Variants in ALDH1A1 observed in about 807,000 individuals in gnomAD.
The protein encoded by ALDH1A1 is aldehyde dehydrogenase 1A1.
In ALDH1A1, 19 loss-of-function variants were observed where a neutral mutation model predicts 62.1. The observed-to-expected ratio is 0.31, with a 90% confidence interval of 0.21 to 0.45. The LOEUF (loss-of-function observed/expected upper bound fraction) is 0.45, where lower values mean the gene tolerates loss of function less well. Ranked by LOEUF, ALDH1A1 falls within the 20% of genes least tolerant of loss-of-function variation. ALDH1A1 has a pLI of 1.00. For synonymous variants in ALDH1A1, 231 were observed against 215.9 expected, an observed-to-expected ratio of 1.07 and a Z score of -0.61; for missense variants, 521 against 607.1, an observed-to-expected ratio of 0.86 and a Z score of 1.49.
In ALDH1A1 at chr9:72,924,006, TA is replaced by T. The variant is rs779021399; in HGVS notation, c.747+12del. 2 of 1,563,416 alleles carry T rather than the reference TA, an allele frequency of 1.3e-6. No individual in the cohort carries two copies. Among genetic ancestry groups the T allele is most frequent in the South Asian group, 2.3e-5 (2 of 85,302 alleles). On this transcript the variant is annotated intron_variant, in intron 7 of 12. Transcript: ENST00000297785. ...AGACATTCTTAACTTTTGCCCTGAGTAAATAATATTACCTCTGTTGATCCTG... is the reference window on the plus strand; with the variant it reads ...AGACATTCTTAACTTTTGCCCTGAGTAATAATATTACCTCTGTTGATCCTG...
At chr9:72,912,607 T>G (rs1242954878) in intron 9 of ALDH1A1, among the ~76,000 whole-genome samples, 1 of 152,162 alleles carries the variant, frequency 6.6e-6, no homozygotes, top group Non-Finnish European at 1.5e-5. Context: ...TCCCCATTTC[T>G]GAATCACCCA....
At chr9:72,908,506 C>T (rs7853294) in intron 11 of ALDH1A1, among the ~76,000 whole-genome samples, 688 of 62,976 alleles carry the variant, frequency 0.011, 67 homozygotes, top group African/African-American at 0.055. Flanking sequence ...GAGAGAGAGA[C>T]GAAAGAAAGA....
Position 72,906,084 on chromosome 9 carries a change from A to C in ALDH1A1, c.1359-52T>G, listed in dbSNP as rs771885118. On this transcript the variant is annotated intron_variant, in intron 11 of 12. Transcript: ENST00000297785. ...GACAATACTTAAGGTGTGAAAAAAA[A>C]ATCCTTTTTGGCAGTTTTAGAAATT... 8.2e-6 allele frequency: 12 copies of C among 1,461,818 alleles called. No homozygotes were observed. The Admixed American group carries it at 2.1e-4, about 26-fold the overall frequency. 90.6% of individuals were successfully genotyped at this position (1,461,818 alleles called of 1,614,324 possible).
intron 8 of ALDH1A1, among the ~76,000 whole-genome samples, chr9:72,918,428 A>G (rs1056443634): frequency 1.3e-5 from 2 of 152,088 alleles, no homozygotes; most frequent in South Asian, 2.1e-4. Context: ...TGGAATTTAA[A>G]AAATACACCA....
chr9:72,908,636 G>T (rs1829935685), intron 11 of ALDH1A1, among the ~76,000 whole-genome samples: 2 of 150,730 alleles, frequency 1.3e-5, no homozygotes, highest in African/African-American at 4.9e-5. Flanking sequence ...AGAGAATATT[G>T]CATAGGTCTG....
intron 1 of ALDH1A1, among the ~76,000 whole-genome samples, chr9:72,949,142 C>T (rs779592198): frequency 6.6e-6 from 1 of 151,896 alleles, no homozygotes; most frequent in South Asian, 2.1e-4. Context: ...AGACATTTCA[C>T]ATCCATGTCA....
chr9:72,911,830 A>G (rs896746559), intron 10 of ALDH1A1, 128 bp downstream of exon 10: 3 of 1,100,310 alleles, frequency 2.7e-6, no homozygotes, highest in Non-Finnish European at 4.0e-6. Context: ...TATCAAGAAC[A>G]GAATAAAGAG....
intron 7 of ALDH1A1, among the ~76,000 whole-genome samples, chr9:72,922,539 A>G (rs1830157479): frequency 6.6e-6 from 1 of 152,184 alleles, no homozygotes; most frequent in South Asian, 2.1e-4. Flanking sequence ...TCCCTGGGCT[A>G]CATGGGAAGA....
At chr9:72,922,992 T>C (rs903102457) in intron 7 of ALDH1A1, among the ~76,000 whole-genome samples, 6 of 152,224 alleles carry the variant, frequency 3.9e-5, no homozygotes, top group Non-Finnish European at 2.9e-5. Context: ...CTTTTTGCTA[T>C]GTAAATTTGC....
chr9:72,945,083 A>G (rs1830460383), intron 1 of ALDH1A1, among the ~76,000 whole-genome samples: 1 of 152,128 alleles, frequency 6.6e-6, no homozygotes, highest in Non-Finnish European at 1.5e-5. Context: ...ATTGTGAAAA[A>G]AATTGCCTTT....
At chr9:72,923,840 T>C (rs1424721755) in intron 7 of ALDH1A1, 179 bp downstream of exon 7, 4 of 423,408 alleles carry the variant, frequency 9.4e-6, no homozygotes, top group Non-Finnish European at 1.7e-5. Context: ...AGGTGCATCA[T>C]GTCATTCAAA....
Position 72,925,560 on chromosome 9 carries a change from C to G in ALDH1A1, c.557G>C (p.Cys186Ser), listed in dbSNP as rs555469171. ...TGGTTTGACAACCACTGTGTTTCCACAGCTCAGTGCAGGCCCTATCTTCCA... is the reference window on the plus strand; with the variant it reads ...TGGTTTGACAACCACTGTGTTTCCAGAGCTCAGTGCAGGCCCTATCTTCCA... ...LIWKIGPALS[C>S]GNTVVVKPAE... Residue 186 changes from cysteine to serine, a missense_variant, in exon 6 of 13, where the codon TGT becomes TCT. Physicochemically the swap from Cys to Ser is moderately radical, Grantham distance 112 (BLOSUM62 -1). Transcript: ENST00000297785. 6.2e-7 allele frequency: 1 copy of G among 1,614,014 alleles called. No homozygotes were observed. The highest frequency in any genetic ancestry group is 1.1e-5 in the South Asian group (1 of 91,082).
At chr9:72,903,866 A>G (rs1829838866) in intron 12 of ALDH1A1, among the ~76,000 whole-genome samples, 1 of 152,102 alleles carries the variant, frequency 6.6e-6, no homozygotes, top group Non-Finnish European at 1.5e-5. Context: ...TTAGATAACC[A>G]GGCCAGAAAC....
At chr9:72,937,852 A>G (rs908716398) in intron 2 of ALDH1A1, among the ~76,000 whole-genome samples, 1 of 152,224 alleles carries the variant, frequency 6.6e-6, no homozygotes, top group Admixed American at 6.5e-5. Flanking sequence ...CAGTATAAAG[A>G]GTAAATCTGA....
chr9:72,913,088 A>G (rs1015888570), intron 9 of ALDH1A1, among the ~76,000 whole-genome samples: 2 of 152,128 alleles, frequency 1.3e-5, no homozygotes, highest in Non-Finnish European at 2.9e-5. Context: ...ACTTCCCACT[A>G]CTTGAAAAGT....
intron 6 of ALDH1A1, among the ~76,000 whole-genome samples, chr9:72,924,852 T>C (rs989324660): frequency 6.6e-6 from 1 of 152,194 alleles, no homozygotes; most frequent in Admixed American, 6.5e-5. Context: ...TTTTTAAGAT[T>C]TGGTAAGATG....
At chr9:72,937,972 T>C (rs562393267) in intron 2 of ALDH1A1, among the ~76,000 whole-genome samples, 6 of 152,292 alleles carry the variant, frequency 3.9e-5, no homozygotes, top group African/African-American at 1.4e-4. Context: ...TCGGTCTTAC[T>C]TGTTTTCATC....
At chr9:72,909,287 T>C (rs1007532249) in intron 11 of ALDH1A1, among the ~76,000 whole-genome samples, 8 of 149,218 alleles carry the variant, frequency 5.4e-5, no homozygotes, top group Non-Finnish European at 7.4e-5. Flanking sequence ...TCATCCTCCA[T>C]GTAGCTGGGA....
chr9:72,950,199 G>A (rs995570598), intron 1 of ALDH1A1, among the ~76,000 whole-genome samples: 1 of 151,842 alleles, frequency 6.6e-6, no homozygotes, highest in Non-Finnish European at 1.5e-5. Flanking sequence ...CATTAAGTTC[G>A]TTTAATACTT....
Sources: allele counts gnomAD v4.1 joint callset (sites outside exome capture counted in the v4.1 genomes callset), GRCh38; gene constraint gnomAD v4.1.1; transcripts MANE v1.5; gene names NCBI Gene and HGNC (gene_info 2026-07-23, HGNC 2026-07-21).